The following ME1 variants were observed in gnomAD, a reference collection of about 807,000 sequenced individuals.
ME1 encodes the protein NADP-dependent malic enzyme.
In ME1, 74 loss-of-function variants were observed where a neutral mutation model predicts 66.4. That is an observed-to-expected ratio of 1.11 (90% confidence interval 0.92 to 1.35). ME1 has a LOEUF of 1.35. Ranked by LOEUF, ME1 falls within the 40% of genes most tolerant of loss-of-function variation. The pLI, the probability that ME1 is intolerant of heterozygous loss-of-function variation, is 0.00. For synonymous variants in ME1, 251 were observed against 235.6 expected, an observed-to-expected ratio of 1.07 and a Z score of -0.60; for missense variants, 750 against 694.1, an observed-to-expected ratio of 1.08 and a Z score of -0.90.
chr6:83,266,295 T>G (rs187426950), intron 6 of ME1, among the ~76,000 whole-genome samples: 283 of 152,270 alleles, frequency 1.9e-3, no homozygotes, highest in Non-Finnish European at 3.5e-3. Context: ...CACAGAGTAA[T>G]GGAAATCCAT....
intron 6 of ME1, among the ~76,000 whole-genome samples, chr6:83,294,799 C>T (rs551460895): frequency 6.6e-6 from 1 of 152,312 alleles, no homozygotes; most frequent in African/African-American, 2.4e-5. Context: ...GTGCCGCCCC[C>T]CATCCCAGGG....
At chr6:83,414,648 G>C (rs1046438490) in intron 1 of ME1, among the ~76,000 whole-genome samples, 13 of 152,068 alleles carry the variant, frequency 8.5e-5, no homozygotes, top group Admixed American at 5.2e-4. Flanking sequence ...ACCTAAGAGA[G>C]CAAATGGGTT....
intron 1 of ME1, among the ~76,000 whole-genome samples, chr6:83,428,454 C>T (rs962039939): frequency 6.6e-6 from 1 of 152,094 alleles, no homozygotes; most frequent in African/African-American, 2.4e-5. Flanking sequence ...GTTGCAGCTA[C>T]CCAAAGGTAA....
intron 5 of ME1, among the ~76,000 whole-genome samples, chr6:83,320,018 G>T (rs1768122461): frequency 6.6e-6 from 1 of 152,176 alleles, no homozygotes; most frequent in Admixed American, 6.6e-5. Context: ...CTTTGGACCT[G>T]TTGCTATTAG....
chr6:83,225,079 G>A (rs1336188733), intron 11 of ME1, among the ~76,000 whole-genome samples: 1 of 151,814 alleles, frequency 6.6e-6, no homozygotes, highest in African/African-American at 2.4e-5. Flanking sequence ...GTGGGCACCT[G>A]TAATCCCAGC....
At chr6:83,383,953 G>C (rs16884575) in intron 3 of ME1, among the ~76,000 whole-genome samples, 3,761 of 151,740 alleles carry the variant, frequency 0.025, 168 homozygotes, top group East Asian at 0.16. Context: ...ATATAGTATT[G>C]AGTTAAAATT....
chr6:83,225,808 T>TTATTTA, intron 11 of ME1, among the ~76,000 whole-genome samples: 1 of 138,046 alleles, frequency 7.2e-6, no homozygotes, highest in South Asian at 2.4e-4. Flanking sequence ...GCCTGTAACA[T>TTATTTA]TATATATATA....
chr6:83,424,300 C>T (rs567445565), intron 1 of ME1, among the ~76,000 whole-genome samples: 21 of 151,998 alleles, frequency 1.4e-4, no homozygotes, highest in South Asian at 4.2e-4. Context: ...GTGAAAAGTT[C>T]GGTATGTGTA....
At chr6:83,246,499 A>G (rs1336045324) in intron 7 of ME1, among the ~76,000 whole-genome samples, 2 of 152,110 alleles carry the variant, frequency 1.3e-5, no homozygotes, top group African/African-American at 2.4e-5. Flanking sequence ...CTATTTTAAC[A>G]TGCTTTTTAT....
intron 3 of ME1, among the ~76,000 whole-genome samples, chr6:83,378,456 C>T (rs922085245): frequency 4.6e-5 from 7 of 152,006 alleles, no homozygotes; most frequent in African/African-American, 1.7e-4. Flanking sequence ...ATTTTCTCTA[C>T]TTGGTATTTT....
At chr6:83,231,586 G>A (rs963474935) in intron 9 of ME1, among the ~76,000 whole-genome samples, 1 of 152,198 alleles carries the variant, frequency 6.6e-6, no homozygotes, top group Non-Finnish European at 1.5e-5. Context: ...CGGTAATACT[G>A]AGGCAACTAC....
intron 1 of ME1, among the ~76,000 whole-genome samples, chr6:83,430,110 A>T (rs984961785): frequency 6.6e-6 from 1 of 152,226 alleles, no homozygotes; most frequent in African/African-American, 2.4e-5. Flanking sequence ...CAGGGTGTAC[A>T]CTGAATTCCC....
intron 11 of ME1, among the ~76,000 whole-genome samples, chr6:83,226,807 A>C (rs1562452050): frequency 6.6e-6 from 1 of 152,186 alleles, no homozygotes; most frequent in Non-Finnish European, 1.5e-5. Context: ...TATCAGCCAA[A>C]TACATATTAG....
chr6:83,239,476 T>G lies in ME1; in HGVS notation c.912+63A>C. ...AAGAATACGTCAAATCTTGAGTTAA[T>G]GAGCAATTAACACTAATTATATGTT... On this transcript the variant is annotated intron_variant, in intron 8 of 13. Coordinates refer to ENST00000369705, the MANE Select transcript of ME1 (RefSeq NM_002395.6). The G allele has an allele frequency of 7.1e-6, 8 of 1,127,148 alleles. No homozygotes were observed. In the South Asian group the frequency reaches 9.7e-5, roughly 14 times the overall value. 69.8% of individuals were successfully genotyped at this position (1,127,148 alleles called of 1,614,324 possible).
intron 3 of ME1, among the ~76,000 whole-genome samples, chr6:83,360,584 G>A (rs1768990370): frequency 6.6e-6 from 1 of 152,116 alleles, no homozygotes; most frequent in South Asian, 2.1e-4. Context: ...GGGCTATTAT[G>A]GTAGGAAAGC....
At chr6:83,417,527 C>A (rs972776673) in intron 1 of ME1, among the ~76,000 whole-genome samples, 2 of 152,046 alleles carry the variant, frequency 1.3e-5, no homozygotes, top group African/African-American at 4.8e-5. Context: ...ACTACAGGCG[C>A]GTGCCACCAT....
intron 7 of ME1, among the ~76,000 whole-genome samples, chr6:83,251,226 G>A (rs1790717655): frequency 6.6e-6 from 1 of 152,134 alleles, no homozygotes; most frequent in Admixed American, 6.5e-5. Flanking sequence ...CAGGCATGGT[G>A]GCTTATGCCT....
intron 3 of ME1, among the ~76,000 whole-genome samples, chr6:83,369,675 G>GGAAGGAAT (rs1359905202): frequency 4.7e-4 from 32 of 68,000 alleles, no homozygotes; most frequent in Non-Finnish European, 1.3e-3. Flanking sequence ...AAGGAACGAA[G>GGAAGGAAT]GAAGGAAGGA....
At chr6:83,256,075 G>A (rs541281358) in intron 6 of ME1, among the ~76,000 whole-genome samples, 115 of 152,150 alleles carry the variant, frequency 7.6e-4, no homozygotes, top group Non-Finnish European at 7.4e-5. Flanking sequence ...TGGTTTATAA[G>A]CATAGGCTCT....
Sources: allele counts gnomAD v4.1 joint callset (sites outside exome capture counted in the v4.1 genomes callset), GRCh38; gene constraint gnomAD v4.1.1; transcripts MANE v1.5; gene names NCBI Gene and HGNC (gene_info 2026-07-23, HGNC 2026-07-21).